The following HS3ST5 variants were observed in gnomAD, a reference collection of about 807,000 sequenced individuals.
HS3ST5 encodes the protein heparan sulfate glucosamine 3-O-sulfotransferase 5.
Under a neutral mutation model 25.4 loss-of-function variants are expected in HS3ST5, and 10 were observed. The observed-to-expected ratio is 0.39, with a 90% CI of 0.24 to 0.67. HS3ST5 has a LOEUF of 0.67. Ranked by LOEUF, HS3ST5 falls within the 30% of genes least tolerant of loss-of-function variation. The pLI is 0.44. For missense variants in HS3ST5, 324 were observed against 420.7 expected (o/e 0.77, Z 2.01); for synonymous variants, 170 against 162.4 (o/e 1.05, Z -0.36).
intron 3 of HS3ST5, among the ~76,000 whole-genome samples, chr6:114,123,092 TAC>T (rs1776871235): frequency 6.6e-6 from 1 of 152,180 alleles, no homozygotes. Flanking sequence ...TAGCTGGGAT[TAC>T]AGGCATGCGC....
At chr6:114,235,562 G>T (rs1026753257) in intron 1 of HS3ST5, 2 of 152,160 alleles carry the variant, frequency 1.3e-5, no homozygotes, top group Non-Finnish European at 2.9e-5. Context: ...AGCTAAAATT[G>T]TTAATACAGG....
At chr6:114,209,670 T>C (rs986566970) in intron 2 of HS3ST5, among the ~76,000 whole-genome samples, 1 of 152,210 alleles carries the variant, frequency 6.6e-6, no homozygotes, top group Admixed American at 6.5e-5. Flanking sequence ...CATGCAATTA[T>C]TAATTTAAGT....
chr6:114,311,168 A>G (rs1341174771), intron 1 of HS3ST5, among the ~76,000 whole-genome samples: 1 of 152,228 alleles, frequency 6.6e-6, no homozygotes, highest in Non-Finnish European at 1.5e-5. Context: ...AAATATTTGT[A>G]ATGAACATTA....
At chr6:114,216,775 A>G (rs1582725910) in intron 2 of HS3ST5, among the ~76,000 whole-genome samples, 1 of 149,940 alleles carries the variant, frequency 6.7e-6, no homozygotes, top group East Asian at 2.0e-4. Flanking sequence ...AAAGTGCAGG[A>G]CACCTAAAGA....
At chr6:114,130,068 G>A (rs996395983) in intron 3 of HS3ST5, among the ~76,000 whole-genome samples, 2 of 152,294 alleles carry the variant, frequency 1.3e-5, no homozygotes, top group Non-Finnish European at 2.9e-5. Flanking sequence ...TCAATGAAAC[G>A]AAGTATATAG....
At chr6:114,125,195 A>G (rs1296317909) in intron 3 of HS3ST5, among the ~76,000 whole-genome samples, 2 of 152,222 alleles carry the variant, frequency 1.3e-5, no homozygotes, top group East Asian at 1.9e-4. Context: ...AAGAATTACA[A>G]TTTGAGCTTT....
intron 3 of HS3ST5, among the ~76,000 whole-genome samples, chr6:114,148,891 A>G (rs1386038561): frequency 2.6e-5 from 4 of 152,218 alleles, no homozygotes; most frequent in Non-Finnish European, 5.9e-5. Flanking sequence ...AAAATTTACA[A>G]GAAAAACAAC....
At chr6:114,173,564 A>T (rs75985678) in intron 2 of HS3ST5, among the ~76,000 whole-genome samples, 2,243 of 152,318 alleles carry the variant, frequency 0.015, 26 homozygotes, top group South Asian at 0.029. Context: ...TGTAAATTTC[A>T]AAATCAAGTG....
chr6:114,133,956 G>A (rs1254806465), intron 3 of HS3ST5, among the ~76,000 whole-genome samples: 1 of 152,120 alleles, frequency 6.6e-6, no homozygotes, highest in African/African-American at 2.4e-5. Context: ...ACACCACAGA[G>A]TGTATGTGGG....
chr6:114,105,327 A>G (rs911550306), intron 3 of HS3ST5, among the ~76,000 whole-genome samples: 2 of 152,196 alleles, frequency 1.3e-5, no homozygotes, highest in African/African-American at 4.8e-5. Context: ...GTAACCACAC[A>G]GTAGAGTAGC....
chr6:114,216,176 G>A (rs1289822914), intron 2 of HS3ST5, among the ~76,000 whole-genome samples: 1 of 152,168 alleles, frequency 6.6e-6, no homozygotes, highest in African/African-American at 2.4e-5. Context: ...AAAGCATGAA[G>A]AACTCATTAA....
rs745592195 is a variant in HS3ST5, at chr6:114,062,766, A to C, written c.80T>G (p.Leu27Arg). ...GSLAVGSLLY[L>R]VARVGSLDRL... ...ATCCAAGCTCCCAACTCTGGCGACT[A>C]GATACAGGAGACTCCCAACGGCAAG... Residue 27 changes from leucine (L) to arginine (R), a missense_variant, in exon 4 of 5, where the codon CTA becomes CGA. By Grantham distance (102) the Leu-to-Arg change is moderately radical. This residue lies in a region of HS3ST5 where 121 missense variants were observed against 117.3 expected (regional missense o/e 1.03). Transcript: ENST00000312719. 1 of 1,613,992 alleles carries C rather than the reference A, an allele frequency of 6.2e-7. No individual in the cohort carries two copies. The highest frequency in any genetic ancestry group is 1.1e-5 in the South Asian group (1 of 91,076).
chr6:114,248,208 G>GAAAAA (rs386408321), intron 1 of HS3ST5, among the ~76,000 whole-genome samples: 38 of 135,970 alleles, frequency 2.8e-4, no homozygotes, highest in African/African-American at 7.2e-4. Context: ...CTCAAAAAAT[G>GAAAAA]AAAAAAAAAA....
At chr6:114,127,883 T>G (rs866400260) in intron 3 of HS3ST5, among the ~76,000 whole-genome samples, 14 of 150,128 alleles carry the variant, frequency 9.3e-5, no homozygotes, top group East Asian at 3.9e-4. Flanking sequence ...GACTTATATA[T>G]AGAGAGAGAG....
intron 3 of HS3ST5, among the ~76,000 whole-genome samples, chr6:114,126,710 A>G (rs543691550): frequency 7.3e-4 from 111 of 152,268 alleles, no homozygotes; most frequent in African/African-American, 2.6e-3. Context: ...GAGTATTTCC[A>G]TTTTAAAGGG....
At chr6:114,329,411 G>A (rs1337316553) in intron 1 of HS3ST5, among the ~76,000 whole-genome samples, 2 of 152,148 alleles carry the variant, frequency 1.3e-5, no homozygotes, top group African/African-American at 4.8e-5. Flanking sequence ...TAAAAGCAAT[G>A]TCAGGACAAG....
At chr6:114,088,217 G>A (rs1282352685) in intron 3 of HS3ST5, among the ~76,000 whole-genome samples, 4 of 152,080 alleles carry the variant, frequency 2.6e-5, no homozygotes, top group African/African-American at 9.7e-5. Flanking sequence ...CTAGCCTACA[G>A]CATAAAATCC....
At chr6:114,126,524 G>A (rs1474487481) in intron 3 of HS3ST5, among the ~76,000 whole-genome samples, 1 of 152,156 alleles carries the variant, frequency 6.6e-6, no homozygotes, top group Admixed American at 6.5e-5. Context: ...AAGCATTCTT[G>A]GGACTGTTTA....
At chr6:114,194,896 TC>T (rs1780666293) in intron 2 of HS3ST5, among the ~76,000 whole-genome samples, 1 of 152,228 alleles carries the variant, frequency 6.6e-6, no homozygotes, top group South Asian at 2.1e-4. Context: ...GTTTCTGGCA[TC>T]TGGCCAGAGG....
Sources: gnomAD v4.1 joint callset for allele counts (sites outside exome capture counted in the v4.1 genomes callset) on GRCh38, gnomAD v4.1.1 for gene constraint, gnomAD v4.1.1 regional missense constraint, MANE v1.5 for transcripts, NCBI Gene and HGNC (gene_info 2026-07-23, HGNC 2026-07-21) for gene names.